Variants in WASHC2C observed in about 807,000 individuals in gnomAD.
WASHC2C encodes Vaccinia Penetration Factor.
Under a neutral mutation model 142.2 loss-of-function variants are expected in WASHC2C, and 73 were observed. The ratio of observed to expected loss-of-function variants is 0.51; its 90% CI spans 0.43 to 0.62. The LOEUF is 0.62. Among genes scored for constraint, WASHC2C ranks in the 20% least tolerant of loss-of-function variants. The pLI is 0.00. For synonymous variants in WASHC2C, 337 were observed against 565.5 expected, an observed-to-expected ratio of 0.60 and a Z score of 5.73; for missense variants, 969 against 1,531.7, an observed-to-expected ratio of 0.63 and a Z score of 6.13.
chr10:45,789,974 CAG>C (rs1241040888), intron 29 of WASHC2C, among the ~76,000 whole-genome samples: 1 of 152,210 alleles, frequency 6.6e-6, no homozygotes, highest in Non-Finnish European at 1.5e-5. Flanking sequence ...AAGGTGAACT[CAG>C]AGAAGTGCTA....
intron 25 of WASHC2C, 81 bp downstream of exon 25, chr10:45,784,982 G>T (rs1407085431): frequency 2.2e-5 from 35 of 1,611,096 alleles, no homozygotes; most frequent in Non-Finnish European, 3.0e-5. Context: ...AGATGATTAA[G>T]GAAAATCCTA....
intron 15 of WASHC2C, among the ~76,000 whole-genome samples, chr10:45,756,375 C>T (rs1554877263): frequency 6.6e-6 from 1 of 152,044 alleles, no homozygotes; most frequent in African/African-American, 2.4e-5. Flanking sequence ...AAGGGGTCTA[C>T]GCTTGTTGAC....
In WASHC2C at chr10:45,751,469, AC is replaced by A. The variant is rs2053579696; in HGVS notation, c.932-12del. On this transcript the variant is annotated splice_polypyrimidine_tract_variant and intron_variant, in intron 10 of 30. Transcript: ENST00000623400. ...GGACTTAGTACTATTAAAACTGTGA[AC>A]TGTTCTTCAAGCCTTACCCTCAGGA... is the stretch of plus-strand genomic sequence containing the variant. The A allele has an allele frequency of 7.3e-7, 1 of 1,362,686 alleles. No homozygotes were observed. Among genetic ancestry groups the A allele is most frequent in the African/African-American group, 1.5e-5 (1 of 65,654 alleles). The allele number at this position is 1,362,686 out of a possible 1,614,324, so 84.4% of individuals were successfully genotyped here. A position where few individuals can be genotyped will look rare whatever the true frequency, so the allele number is the denominator to read the frequency against.
At chr10:45,761,049 A>G (rs1429042452) in intron 17 of WASHC2C, among the ~76,000 whole-genome samples, 1 of 152,018 alleles carries the variant, frequency 6.6e-6, no homozygotes, top group African/African-American at 2.4e-5. Context: ...TCAAAAACCT[A>G]GTGGTTCATA....
intron 19 of WASHC2C, among the ~76,000 whole-genome samples, chr10:45,766,174 C>T (rs1477590978): frequency 3.3e-5 from 5 of 152,108 alleles, no homozygotes; most frequent in Non-Finnish European, 7.4e-5. Flanking sequence ...ATAAGTTTTA[C>T]CAGACACAGG....
intron 11 of WASHC2C, among the ~76,000 whole-genome samples, chr10:45,751,934 G>A (rs1447580816): frequency 1.3e-5 from 2 of 152,186 alleles, no homozygotes; most frequent in African/African-American, 2.4e-5. Flanking sequence ...CCTTGATCGC[G>A]CCACTGCATT....
At chr10:45,754,588 T>C (rs1589727664) in intron 14 of WASHC2C, 43 bp downstream of exon 14, 1 of 1,496,794 alleles carries the variant, frequency 6.7e-7, no homozygotes, top group South Asian at 1.2e-5. Flanking sequence ...ACACAAATAC[T>C]GTTTTTTGCA....
intron 28 of WASHC2C, among the ~76,000 whole-genome samples, chr10:45,788,117 TTTA>T (rs2058180874): frequency 6.6e-6 from 1 of 152,260 alleles, no homozygotes; most frequent in Non-Finnish European, 1.5e-5. Flanking sequence ...TGGCTTTTTT[TTTA>T]TTAAGTTTAA....
chr10:45,787,022 T>G lies in WASHC2C; in HGVS notation c.2875-13T>G. On this transcript the variant is annotated splice_polypyrimidine_tract_variant and intron_variant, in intron 27 of 30. Transcript: ENST00000623400. ...TTGAAGAACAAATACAGAGTTTCATTTTTCTTCTTTAGGCAAATTTAGCGA... is the reference window on the plus strand; with the variant it reads ...TTGAAGAACAAATACAGAGTTTCATGTTTCTTCTTTAGGCAAATTTAGCGA... 6.3e-7 allele frequency: 1 copy of G among 1,589,868 alleles called. No homozygotes were observed. The highest frequency in any genetic ancestry group is 8.6e-7 in the Non-Finnish European group (1 of 1,163,268).
At chr10:45,777,454 G>A (rs1554886800) in intron 22 of WASHC2C, 29 bp downstream of exon 22, 1 of 1,611,842 alleles carries the variant, frequency 6.2e-7, no homozygotes, top group Admixed American at 1.7e-5. Flanking sequence ...ATACTTGAAT[G>A]CATTTGTCTC....
intron 4 of WASHC2C, among the ~76,000 whole-genome samples, chr10:45,738,940 C>G (rs1554866058): frequency 6.6e-6 from 1 of 152,186 alleles, no homozygotes; most frequent in African/African-American, 2.4e-5. Flanking sequence ...CTCCTGACCT[C>G]AAATGATCCG....
chr10:45,785,421 A>G (rs1394161379), intron 25 of WASHC2C, 88 bp from the exon 26 acceptor site: 1 of 1,537,226 alleles, frequency 6.5e-7, no homozygotes, highest in Non-Finnish European at 8.8e-7. Context: ...TTTAAGACTC[A>G]GAAGCCAGGA....
At chr10:45,741,553 C>G (rs2052048072) in intron 5 of WASHC2C, among the ~76,000 whole-genome samples, 1 of 152,102 alleles carries the variant, frequency 6.6e-6, no homozygotes. Flanking sequence ...GAGAATTAGT[C>G]CAAATTAACG....
At chr10:45,744,982 C>T in intron 7 of WASHC2C, 100 bp downstream of exon 7, 1 of 335,908 alleles carries the variant, frequency 3.0e-6, no homozygotes, top group South Asian at 4.3e-5. Flanking sequence ...AATTCGTAAT[C>T]TGCTTCCATA....
intron 19 of WASHC2C, among the ~76,000 whole-genome samples, chr10:45,767,112 C>CA (rs1403617351): frequency 1.3e-5 from 2 of 149,748 alleles, no homozygotes; most frequent in East Asian, 2.0e-4. Flanking sequence ...ATTAAAAATA[C>CA]AAAAAAATTA....
At chr10:45,731,864 A>T (rs1266631175) in intron 3 of WASHC2C, among the ~76,000 whole-genome samples, 1 of 134,914 alleles carries the variant, frequency 7.4e-6, no homozygotes, top group Admixed American at 8.8e-5. Context: ...GTGCAATCTC[A>T]GCCCACTGCA....
chr10:45,766,399 G>C (rs1221000348), intron 19 of WASHC2C, among the ~76,000 whole-genome samples: 1 of 145,150 alleles, frequency 6.9e-6, no homozygotes, highest in Non-Finnish European at 1.5e-5. Context: ...GGAATAGGGA[G>C]GACTGGAATG....
In WASHC2C at chr10:45,777,254, T is replaced by G. The variant is rs199642477; in HGVS notation, c.2143-19T>G. On this transcript the variant is annotated intron_variant, in intron 21 of 30. Transcript: ENST00000623400. The stretch of plus-strand genomic sequence containing the variant: ...CACTTTTTTATTGTTGTGGATGTCA[T>G]GTACTCTTCTTTTGGTAGAAAAAAG... 4.4e-3 allele frequency: 6,772 copies of G among 1,551,678 alleles called. 12 individuals carry two copies. Among genetic ancestry groups the G allele is most frequent in the Non-Finnish European group, 5.2e-3 (5,914 of 1,130,200 alleles).
At position 45,746,639 on chromosome 10, in the gene WASHC2C, C is replaced by T. The variant is rs2052869520; in HGVS notation, c.724C>T (p.Gln242Ter). 1 of 1,613,414 alleles carries T rather than the reference C, an allele frequency of 6.2e-7. No individual in the cohort carries two copies. Among genetic ancestry groups the T allele is most frequent in the Middle Eastern group, 1.7e-4 (1 of 6,050 alleles). ...TTTTGCCCATCACAGTGACAATGAA[C>T]AAAACCAGGTAAGGCTCATATATTG... Reference protein sequence around the residue: ...EDFAHHSDNEQNQHTTQMSDE... With the variant: ...EDFAHHSDNE The change falls in exon 8 of 31, where the codon CAA becomes TAA. Residue 242 changes from glutamine (Q) to a stop codon, truncating the protein, a stop_gained. Transcript: ENST00000623400. LOFTEE classifies it high-confidence loss of function.
Sources: allele counts gnomAD v4.1 joint callset (sites outside exome capture counted in the v4.1 genomes callset), GRCh38; gene constraint gnomAD v4.1.1; transcripts MANE v1.5; gene names NCBI Gene and HGNC (gene_info 2026-07-23, HGNC 2026-07-21).